The following CCDC141 variants were observed in gnomAD, a reference collection of about 807,000 sequenced individuals.
CCDC141 encodes coiled-coil domain containing 141.
A neutral mutation model predicts 181.0 loss-of-function variants in CCDC141; 168 were observed. The ratio of observed to expected loss-of-function variants is 0.93; its 90% confidence interval spans 0.82 to 1.05. CCDC141 has a LOEUF of 1.05. Among genes scored for constraint, CCDC141 ranks in the 50% least tolerant of loss-of-function variants. The pLI is 0.00. For synonymous variants in CCDC141, 666 were observed against 642.3 expected (o/e 1.04, Z -0.56); for missense variants, 1,902 against 1,788.5 (o/e 1.06, Z -1.14).
chr2:178,947,257 T>G (rs771360971), intron 5 of CCDC141, among the ~76,000 whole-genome samples: 4 of 152,188 alleles, frequency 2.6e-5, no homozygotes, highest in Non-Finnish European at 4.4e-5. Context: ...TTAAATTATG[T>G]CAGCTGCTGT....
chr2:178,879,778 C>T (rs893893971), intron 11 of CCDC141, among the ~76,000 whole-genome samples: 8 of 152,128 alleles, frequency 5.3e-5, no homozygotes, highest in African/African-American at 1.9e-4. Context: ...AGAAATTGTC[C>T]ACAGTGAGAA....
At chr2:178,954,625 A>G (rs1264060116) in intron 5 of CCDC141, among the ~76,000 whole-genome samples, 1 of 152,162 alleles carries the variant, frequency 6.6e-6, no homozygotes, top group Non-Finnish European at 1.5e-5. Flanking sequence ...TATCTTTTAA[A>G]TGGCCCTTAT....
At chr2:178,845,904 CT>C (rs1334393562) in intron 21 of CCDC141, among the ~76,000 whole-genome samples, 162 bp from the exon 22 acceptor site, 1 of 152,172 alleles carries the variant, frequency 6.6e-6, no homozygotes, top group Admixed American at 6.5e-5. Flanking sequence ...AAAATTATCC[CT>C]CCCAGCTCAC....
At chr2:178,842,319 C>T (rs752918739) in intron 22 of CCDC141, among the ~76,000 whole-genome samples, 18 of 152,210 alleles carry the variant, frequency 1.2e-4, no homozygotes, top group Non-Finnish European at 2.4e-4. Flanking sequence ...GAATGGCCTG[C>T]AGTCTTATCT....
chr2:178,888,777 CT>C, intron 8 of CCDC141, 109 bp from the exon 9 acceptor site: 1 of 1,196,910 alleles, frequency 8.4e-7, no homozygotes, highest in Non-Finnish European at 1.2e-6. Context: ...AAGGCATCAG[CT>C]TTAGGATAAC....
At chr2:178,876,167 T>A (rs964877588) in intron 12 of CCDC141, 2 of 152,124 alleles carry the variant, frequency 1.3e-5, no homozygotes, top group African/African-American at 4.8e-5. Flanking sequence ...TCCAAGTAGA[T>A]GAGGGTAGTT....
intron 2 of CCDC141, among the ~76,000 whole-genome samples, chr2:179,019,640 G>T (rs529421442): frequency 1.2e-4 from 19 of 152,062 alleles, no homozygotes; most frequent in African/African-American, 4.1e-4. Flanking sequence ...TCTATAGTAG[G>T]AAACTACACT....
intron 2 of CCDC141, among the ~76,000 whole-genome samples, chr2:179,027,111 G>C (rs1055815149): frequency 2.0e-4 from 31 of 152,262 alleles, no homozygotes; most frequent in African/African-American, 7.0e-4. Context: ...AGACTTTGGG[G>C]GACTGTTGGG....
In CCDC141 at chr2:178,969,104, C is replaced by CAA. The variant is rs55999054; in HGVS notation, c.526+5951_526+5952dup. ...AGGCAGTAATTAATAGCTTACCAAC[C>CAA]AAAAAAAAAAAAAAAAAAAAAAAAA... On this transcript the variant is annotated intron_variant, in intron 4 of 23. Transcript: ENST00000443758. Among the ~76,000 whole-genome samples the CAA allele has an allele frequency of 1.8e-3, 90 of 51,190 alleles. 4 individuals are homozygous for CAA. Among genetic ancestry groups the CAA allele is most frequent in the African/African-American group, 3.8e-3 (48 of 12,786 alleles). 33.6% of individuals were successfully genotyped at this position (51,190 alleles called of 152,430 possible).
chr2:178,911,221 T>A (rs1688204374), intron 7 of CCDC141, among the ~76,000 whole-genome samples: 1 of 152,188 alleles, frequency 6.6e-6, no homozygotes, highest in South Asian at 2.1e-4. Flanking sequence ...AAGCATTACA[T>A]CACATTAGAG....
chr2:178,866,026 A>G (rs1392165979), intron 16 of CCDC141, 110 bp from the exon 17 acceptor site: 1 of 852,292 alleles, frequency 1.2e-6, no homozygotes. Flanking sequence ...TAAAAAAAGA[A>G]ATAGGTTCCT....
intron 2 of CCDC141, among the ~76,000 whole-genome samples, chr2:178,992,535 T>C (rs981540954): frequency 1.1e-3 from 166 of 152,258 alleles, no homozygotes; most frequent in Non-Finnish European, 1.5e-3. Flanking sequence ...TTATTTGCTG[T>C]TTCTCTCTGT....
intron 6 of CCDC141, among the ~76,000 whole-genome samples, chr2:178,932,449 G>A (rs1236326983): frequency 6.6e-6 from 1 of 151,832 alleles, no homozygotes; most frequent in East Asian, 1.9e-4. Context: ...GATGCTATAT[G>A]TTGCCACTTC....
chr2:178,842,095 T>C (rs1180488780), intron 22 of CCDC141, among the ~76,000 whole-genome samples: 2 of 152,212 alleles, frequency 1.3e-5, no homozygotes, highest in Non-Finnish European at 2.9e-5. Context: ...GTGTGTGTTA[T>C]TTACCCAGAA....
At position 178,924,080 on chromosome 2, in the gene CCDC141, T is replaced by C. The variant is rs539527047; in HGVS notation, c.898-5173A>G. On this transcript the variant is annotated intron_variant, in intron 6 of 23. Coordinates refer to ENST00000443758, the MANE Select transcript of CCDC141 (RefSeq NM_173648.4). ...GTAAGCTTTTGCTCACACAAAAACTTCCCTGTGTATGAGGGGATTTTAACC... is the reference window on the plus strand; with the variant it reads ...GTAAGCTTTTGCTCACACAAAAACTCCCCTGTGTATGAGGGGATTTTAACC... Among the ~76,000 whole-genome samples, 7 of 152,332 alleles carry C rather than the reference T, an allele frequency of 4.6e-5. No homozygotes were observed. In the South Asian group the frequency reaches 1.5e-3, roughly 32 times the overall value.
chr2:178,956,174 T>A (rs1690153936), intron 5 of CCDC141, among the ~76,000 whole-genome samples: 1 of 152,218 alleles, frequency 6.6e-6, no homozygotes. Context: ...CCAGGATCCG[T>A]ACTCTTACAA....
intron 2 of CCDC141, among the ~76,000 whole-genome samples, chr2:178,989,221 G>A (rs1265482576): frequency 2.0e-5 from 3 of 152,076 alleles, no homozygotes; most frequent in African/African-American, 7.2e-5. Flanking sequence ...AAAATCCTTA[G>A]AATGGGAGAA....
intron 4 of CCDC141, 29 bp from the exon 5 acceptor site, chr2:178,961,512 T>G: frequency 6.6e-7 from 1 of 1,508,322 alleles, no homozygotes; most frequent in Non-Finnish European, 9.0e-7. Flanking sequence ...GAAAAAAGAA[T>G]AATGATATTA....
At chr2:178,917,050 G>C (rs868261986) in intron 7 of CCDC141, among the ~76,000 whole-genome samples, 1 of 151,922 alleles carries the variant, frequency 6.6e-6, no homozygotes, top group African/African-American at 2.4e-5. Context: ...ACAAAAGTAA[G>C]AGAATGGGAA....
Sources: gnomAD v4.1 joint callset for allele counts (sites outside exome capture counted in the v4.1 genomes callset) on GRCh38, gnomAD v4.1.1 for gene constraint, MANE v1.5 for transcripts, NCBI Gene and HGNC (gene_info 2026-07-23, HGNC 2026-07-21) for gene names.